Variants in GPC6 observed in about 807,000 individuals in gnomAD.
The protein encoded by GPC6 is glypican-6.
A neutral mutation model predicts 55.2 loss-of-function variants in GPC6; 14 were observed. That is an observed-to-expected ratio of 0.25 (90% confidence interval 0.17 to 0.40). The LOEUF is 0.40. Ranked by LOEUF, GPC6 falls within the 10% of genes least tolerant of loss-of-function variation. GPC6 has a pLI of 1.00. For synonymous variants in GPC6, 278 were observed against 259.6 expected (o/e 1.07, Z -0.68); for missense variants, 641 against 708.5 (o/e 0.90, Z 1.08).
chr13:93,401,115 A>C (rs975194890), intron 1 of GPC6, among the ~76,000 whole-genome samples: 1 of 151,926 alleles, frequency 6.6e-6, no homozygotes, highest in African/African-American at 2.4e-5. Flanking sequence ...CTCCCACCAG[A>C]AATCAGGCAT....
chr13:93,745,992 C>G (rs1357190299), intron 2 of GPC6, among the ~76,000 whole-genome samples: 1 of 152,180 alleles, frequency 6.6e-6, no homozygotes, highest in Non-Finnish European at 1.5e-5. Flanking sequence ...GAAATCCACT[C>G]TTTTCATGAA....
At chr13:93,808,024 C>T (rs1886589755) in intron 2 of GPC6, among the ~76,000 whole-genome samples, 1 of 152,148 alleles carries the variant, frequency 6.6e-6, no homozygotes, top group South Asian at 2.1e-4. Context: ...CAACATTGTA[C>T]TTATGAAATT....
At chr13:93,636,859 G>T (rs1449882619) in intron 2 of GPC6, among the ~76,000 whole-genome samples, 1 of 151,576 alleles carries the variant, frequency 6.6e-6, no homozygotes, top group South Asian at 2.1e-4. Flanking sequence ...ATATTTGTAT[G>T]CTTTGTTATT....
chr13:93,464,024 A>G (rs1182182594), intron 1 of GPC6, among the ~76,000 whole-genome samples: 1 of 152,214 alleles, frequency 6.6e-6, no homozygotes, highest in East Asian at 1.9e-4. Flanking sequence ...TTCCCAGTGC[A>G]TAAAACTTAA....
intron 4 of GPC6, among the ~76,000 whole-genome samples, chr13:94,216,006 C>CTT (rs959036274): frequency 1.6e-4 from 18 of 114,038 alleles, no homozygotes; most frequent in African/African-American, 5.6e-4. Context: ...AGTTCCTATT[C>CTT]TTTGTCATAA....
intron 4 of GPC6, among the ~76,000 whole-genome samples, chr13:94,073,003 A>T (rs952477611): frequency 2.0e-5 from 3 of 152,304 alleles, no homozygotes; most frequent in South Asian, 2.1e-4. Context: ...ACTGGGCCCC[A>T]TTCAAGAAAT....
At chr13:93,519,935 A>G (rs924422337) in intron 1 of GPC6, among the ~76,000 whole-genome samples, 2 of 152,026 alleles carry the variant, frequency 1.3e-5, no homozygotes, top group Admixed American at 6.6e-5. Flanking sequence ...ATTGTATTAA[A>G]TTGAATTTTG....
rs1888985372 is a variant in GPC6, at chr13:93,866,996, C to T, written c.711+36451C>T. ...CTGTCTTATTCCTTTACTTGAAATG[C>T]AAAACCAAAGTTTAGCCTAGCAGAA... On this transcript the variant is annotated intron_variant, in intron 3 of 8. Coordinates refer to ENST00000377047, the MANE Select transcript of GPC6 (RefSeq NM_005708.5). Among the ~76,000 whole-genome samples, 3 of 151,754 alleles carry T rather than the reference C, an allele frequency of 2.0e-5. No individual in the cohort carries two copies. The South Asian group carries it at 6.2e-4, about 32-fold the overall frequency.
intron 4 of GPC6, among the ~76,000 whole-genome samples, chr13:94,273,478 G>A (rs1892107651): frequency 1.3e-5 from 2 of 152,184 alleles, no homozygotes; most frequent in African/African-American, 4.8e-5. Flanking sequence ...CTTAATTGGA[G>A]CAAAGAAAGA....
rs149206107 is a variant in GPC6 at position 94,346,337 on chromosome 13, G to A, written c.1153-36077G>A. Among the ~76,000 whole-genome samples, 227 of 152,294 alleles carry A rather than the reference G, an allele frequency of 1.5e-3. 1 individual carries two copies. The highest frequency in any genetic ancestry group is 5.1e-3 in the African/African-American group (212 of 41,558). ...TTCTTAATCTCATTACATGTTGAAT[G>A]CTGCGCTATGTAAGATTCCTCTGAT... On this transcript the variant is annotated intron_variant, in intron 6 of 8. Coordinates refer to ENST00000377047, the MANE Select transcript of GPC6 (RefSeq NM_005708.5).
intron 1 of GPC6, among the ~76,000 whole-genome samples, chr13:93,504,385 T>A (rs1256524008): frequency 1.3e-5 from 2 of 151,954 alleles, no homozygotes; most frequent in Non-Finnish European, 2.9e-5. Flanking sequence ...ATATGACACA[T>A]ACCTTGGGTT....
chr13:93,842,144 A>C (rs1205732728), intron 3 of GPC6, among the ~76,000 whole-genome samples: 1 of 152,194 alleles, frequency 6.6e-6, no homozygotes, highest in Non-Finnish European at 1.5e-5. Context: ...AACATTTAGT[A>C]AGAAGTACAC....
intron 4 of GPC6, among the ~76,000 whole-genome samples, chr13:94,068,303 A>G (rs1195577702): frequency 6.6e-6 from 1 of 152,190 alleles, no homozygotes; most frequent in Non-Finnish European, 1.5e-5. Flanking sequence ...CACTATCACA[A>G]GAACACCATG....
chr13:94,268,958 C>T (rs573975939), intron 4 of GPC6, among the ~76,000 whole-genome samples: 1 of 152,258 alleles, frequency 6.6e-6, no homozygotes, highest in East Asian at 1.9e-4. Flanking sequence ...ACCTTGGAAG[C>T]CAGGGGCTCA....
intron 6 of GPC6, among the ~76,000 whole-genome samples, chr13:94,331,702 A>G (rs1566684305): frequency 6.6e-6 from 1 of 152,328 alleles, no homozygotes; most frequent in Middle Eastern, 3.4e-3. Flanking sequence ...AAAGGATCCT[A>G]GTATGAAAAT....
intron 4 of GPC6, among the ~76,000 whole-genome samples, chr13:94,157,449 G>A (rs1887992663): frequency 6.6e-6 from 1 of 152,114 alleles, no homozygotes; most frequent in African/African-American, 2.4e-5. Context: ...TTGAAAGGAT[G>A]GAGAGTGGGA....
chr13:94,151,552 T>A (rs1029509327), intron 4 of GPC6, among the ~76,000 whole-genome samples: 1 of 152,116 alleles, frequency 6.6e-6, no homozygotes, highest in Admixed American at 6.6e-5. Flanking sequence ...TTATTTGAGC[T>A]CAACAGTGTT....
intron 8 of GPC6, among the ~76,000 whole-genome samples, chr13:94,402,260 G>A (rs1232519054): frequency 6.6e-6 from 1 of 152,156 alleles, no homozygotes; most frequent in Non-Finnish European, 1.5e-5. Context: ...CCTTTAAAAA[G>A]CATGGTATCT....
chr13:93,577,771 A>G (rs114458178), intron 2 of GPC6, among the ~76,000 whole-genome samples: 3,295 of 152,026 alleles, frequency 0.022, 116 homozygotes, highest in African/African-American at 0.075. Flanking sequence ...GTGAAAGTGG[A>G]CATCCTTGTC....
Sources: allele counts gnomAD v4.1 joint callset (sites outside exome capture counted in the v4.1 genomes callset), GRCh38; gene constraint gnomAD v4.1.1; transcripts MANE v1.5; gene names NCBI Gene and HGNC (gene_info 2026-07-23, HGNC 2026-07-21).